WDFY3: variants seen among roughly 807,000 people sequenced by gnomAD.
WDFY3 encodes WD repeat and FYVE domain-containing protein 3.
Under a neutral mutation model 409.6 loss-of-function variants are expected in WDFY3, and 66 were observed. The observed-to-expected ratio is 0.16, with a 90% CI of 0.13 to 0.20. The LOEUF (loss-of-function observed/expected upper bound fraction) is 0.20. Among genes scored for constraint, WDFY3 ranks in the 10% least tolerant of loss-of-function variants. The probability of loss-of-function intolerance (pLI) is 1.00; values close to 1 mark genes in which losing one functional copy is unlikely to be tolerated. For missense variants in WDFY3, 3,031 were observed against 4,298.1 expected, an observed-to-expected ratio of 0.71 and a Z score of 8.24; for synonymous variants, 1,521 against 1,537.1, an observed-to-expected ratio of 0.99 and a Z score of 0.25.
At chr4:84,714,443 A>G (rs371303801) in intron 50 of WDFY3, among the ~76,000 whole-genome samples, 1 of 152,182 alleles carries the variant, frequency 6.6e-6, no homozygotes, top group Non-Finnish European at 1.5e-5. Flanking sequence ...AATTTTAAAT[A>G]TAGTTTATTA....
At chr4:84,718,143 C>A (rs1296817231) in intron 48 of WDFY3, among the ~76,000 whole-genome samples, 1 of 146,544 alleles carries the variant, frequency 6.8e-6, no homozygotes, top group Non-Finnish European at 1.5e-5. Context: ...TTTATAAATT[C>A]AGAATAAATT....
At chr4:84,725,020 G>C (rs1338811147) in intron 45 of WDFY3, among the ~76,000 whole-genome samples, 1 of 152,192 alleles carries the variant, frequency 6.6e-6, no homozygotes, top group Non-Finnish European at 1.5e-5. Context: ...CAGGCCTAAA[G>C]GTCCACACAC....
At chr4:84,706,938 CTTTT>C (rs1229485318) in intron 53 of WDFY3, among the ~76,000 whole-genome samples, 4 of 134,860 alleles carry the variant, frequency 3.0e-5, no homozygotes, top group Admixed American at 1.5e-4. Context: ...ATTTTTACTT[CTTTT>C]TTTTTTTTTT....
Position 84,718,434 on chromosome 4 carries a change from G to T in WDFY3, c.7742C>A (p.Thr2581Asn). Residue 2581 changes from threonine (T) to asparagine (N), a missense_variant, in exon 48 of 68, where the codon ACC becomes AAC. This residue lies in a region of WDFY3 where 40 missense variants were observed against 54.2 expected (regional missense o/e 0.74). Transcript: ENST00000295888. ...TTCATTTACTTACTTTGGAGGTAAG[G>T]TTTCAATATCTCTTATTTCCCTGGT... ...TATREIRDIE[T>N]LPPNMHEPII... is the part of the protein sequence containing the mutation. 6.2e-7 allele frequency: 1 copy of T among 1,613,462 alleles called. No homozygotes were observed.
chr4:84,781,449 G>A (rs1280480268), intron 25 of WDFY3, among the ~76,000 whole-genome samples: 1 of 141,430 alleles, frequency 7.1e-6, no homozygotes, highest in African/African-American at 2.7e-5. Context: ...GGAATGCAGT[G>A]GCTCAATCAC....
rs1359129411 is a variant in WDFY3, at chr4:84,822,730, A to G, written c.1124-1179T>C. Reference sequence around the variant, plus strand: ...CTGTCTGTAAAATAAACAAACAAACAAACAAAAAAGAATGCTCAGAAATCT... The same window carrying G: ...CTGTCTGTAAAATAAACAAACAAACGAACAAAAAAGAATGCTCAGAAATCT... On this transcript the variant is annotated intron_variant, in intron 10 of 67. Transcript: ENST00000295888. Among the ~76,000 whole-genome samples the G allele has an allele frequency of 5.3e-5, 8 of 152,122 alleles. No homozygotes were observed. The East Asian group carries it at 1.5e-3, about 29-fold the overall frequency.
intron 24 of WDFY3, among the ~76,000 whole-genome samples, chr4:84,784,747 A>C (rs1747162341): frequency 1.3e-5 from 2 of 151,102 alleles, no homozygotes; most frequent in Admixed American, 6.6e-5. Context: ...CTGAGGCAGG[A>C]GAATCACTTG....
intron 3 of WDFY3, among the ~76,000 whole-genome samples, chr4:84,876,235 A>T (rs1250589724): frequency 6.6e-6 from 1 of 152,166 alleles, no homozygotes; most frequent in Non-Finnish European, 1.5e-5. Context: ...TGGGAACACC[A>T]TCATATATGC....
Position 84,678,286 on chromosome 4 carries a change from T to C in WDFY3, c.10148-7A>G, listed in dbSNP as rs747772865. On this transcript the variant is annotated splice_polypyrimidine_tract_variant and splice_region_variant and intron_variant, in intron 65 of 67. Transcript: ENST00000295888. ...TGCCGTTCCCATCGGTACCCTGGAA[T>C]GGAGAAGTGGAGGACACAACATAAC... 1 of 1,601,396 alleles carries C rather than the reference T, an allele frequency of 6.2e-7. No homozygotes were observed. Among genetic ancestry groups the C allele is most frequent in the East Asian group, 2.2e-5 (1 of 44,796 alleles).
chr4:84,748,147 T>A (rs992600413), intron 36 of WDFY3, among the ~76,000 whole-genome samples: 1 of 152,158 alleles, frequency 6.6e-6, no homozygotes, highest in Non-Finnish European at 1.5e-5. Flanking sequence ...AGTCTGGTGG[T>A]GACAGCACAG....
intron 44 of WDFY3, among the ~76,000 whole-genome samples, chr4:84,730,419 T>C (rs1736398392): frequency 6.6e-6 from 1 of 152,222 alleles, no homozygotes; most frequent in Non-Finnish European, 1.5e-5. Flanking sequence ...TAATATGGAA[T>C]ACATTCACTA....
intron 21 of WDFY3, 77 bp from the exon 22 acceptor site, chr4:84,789,984 T>A: frequency 1.4e-6 from 2 of 1,443,740 alleles, no homozygotes. Context: ...TAGATCAGCA[T>A]GTTTTGACTT....
chr4:84,836,626 A>C (rs1355391620), intron 7 of WDFY3, among the ~76,000 whole-genome samples: 2 of 152,054 alleles, frequency 1.3e-5, no homozygotes, highest in Non-Finnish European at 2.9e-5. Context: ...TCTTTATATC[A>C]TTTTCAAGTT....
chr4:84,892,444 G>C (rs1165007153), intron 3 of WDFY3, among the ~76,000 whole-genome samples: 1 of 151,868 alleles, frequency 6.6e-6, no homozygotes, highest in Non-Finnish European at 1.5e-5. Context: ...TTTTTAAAAA[G>C]TAACCATCAT....
At chr4:84,920,690 C>A (rs954254450) in intron 2 of WDFY3, among the ~76,000 whole-genome samples, 2 of 152,182 alleles carry the variant, frequency 1.3e-5, no homozygotes, top group Non-Finnish European at 2.9e-5. Flanking sequence ...AATTCCTACA[C>A]AGCTGAACAG....
intron 2 of WDFY3, among the ~76,000 whole-genome samples, chr4:84,916,468 A>C (rs1195799492): frequency 6.6e-6 from 1 of 152,202 alleles, no homozygotes; most frequent in Non-Finnish European, 1.5e-5. Flanking sequence ...TGCCTCTGTT[A>C]CAAGTATTTC....
intron 36 of WDFY3, among the ~76,000 whole-genome samples, chr4:84,744,689 T>C (rs1739064469): frequency 6.7e-6 from 1 of 150,296 alleles, no homozygotes; most frequent in Admixed American, 6.6e-5. Context: ...CCGTCTCTAC[T>C]AAAAATACAA....
intron 49 of WDFY3, among the ~76,000 whole-genome samples, chr4:84,716,289 A>G (rs959568734): frequency 2.6e-5 from 4 of 151,284 alleles, no homozygotes; most frequent in Non-Finnish European, 5.9e-5. Flanking sequence ...ACAGAAAAAA[A>G]TTAGCTGGGC....
chr4:84,904,677 A>T (rs550966557), intron 2 of WDFY3, among the ~76,000 whole-genome samples: 1 of 152,202 alleles, frequency 6.6e-6, no homozygotes, highest in African/African-American at 2.4e-5. Context: ...TGGCCCATGC[A>T]AGCAAACTCT....
Sources: allele counts gnomAD v4.1 joint callset (sites outside exome capture counted in the v4.1 genomes callset), GRCh38; gene constraint gnomAD v4.1.1; regional missense constraint gnomAD v4.1.1; transcripts MANE v1.5; gene names NCBI Gene and HGNC (gene_info 2026-07-23, HGNC 2026-07-21).